The following CHD8 variants were observed in gnomAD, a reference collection of about 807,000 sequenced individuals.
CHD8 encodes the protein chromodomain helicase DNA binding protein 8.
Under a neutral mutation model 279.2 loss-of-function variants are expected in CHD8, and 31 were observed. That is an observed-to-expected ratio of 0.11 (90% CI 0.08 to 0.15). The LOEUF is 0.15. CHD8 is among the 10% of genes least tolerant of loss of function. The pLI is 1.00. For missense variants in CHD8, 2,146 were observed against 3,230.5 expected (o/e 0.66, Z 8.14); for synonymous variants, 1,081 against 1,139.6 (o/e 0.95, Z 1.04).
rs755108465 is a variant in CHD8 at position 21,390,999 on chromosome 14, T to C, written c.7130A>G (p.Asn2377Ser). 1 of 1,606,726 alleles carries C rather than the reference T, an allele frequency of 6.2e-7. No individual in the cohort carries two copies. The highest frequency in any genetic ancestry group is 8.5e-7 in the Non-Finnish European group (1 of 1,176,334). Residue 2377 changes from asparagine (N) to serine (S), a missense_variant, in exon 37 of 38, where the codon AAC becomes AGC. By Grantham distance (46) the Asn-to-Ser change is conservative. Around this residue, in one of 26 missense-constraint regions of CHD8, gnomAD observed 336 missense variants for 392.9 expected, o/e 0.86. Transcript: ENST00000646647. ...RCKKNNKAELNCLGMEPVQTA... is the reference protein window; with the variant it reads ...RCKKNNKAELSCLGMEPVQTA... Reference sequence around the variant, plus strand: ...CTGTACTGGTTCCATTCCCAAACAGTTCAATTCTGCCTTATTATTTTTTTT... The same window carrying C: ...CTGTACTGGTTCCATTCCCAAACAGCTCAATTCTGCCTTATTATTTTTTTT...
rs753886912 is a variant in CHD8 at position 21,429,149 on chromosome 14, C to G, written c.1030G>C (p.Val344Leu). 3.7e-6 allele frequency: 6 copies of G among 1,613,794 alleles called. No individual in the cohort carries two copies. The African/African-American group carries it at 6.7e-5, about 18-fold the overall frequency. ...TGGATTTTTTGCTGTGGCTGCTGCA[C>G]CTGCAGCTGGATAGTTACTACCTTG... The part of the protein sequence containing the change: ...PAKVVTIQLQ[V>L]QQPQQKIQIV... The change falls in exon 3 of 38, where the codon GTG becomes CTG. Residue 344 changes from valine (V) to leucine (L), a missense_variant. Transcript: ENST00000646647.
At position 21,405,712 on chromosome 14, in the gene CHD8, A is replaced by AT. The variant is rs1315312485; in HGVS notation, c.3051+8dup. 4.3e-6 allele frequency: 7 copies of AT among 1,613,268 alleles called. No individual in the cohort carries two copies. Among genetic ancestry groups the AT allele is most frequent in the Non-Finnish European group, 5.1e-6 (6 of 1,179,556 alleles). ...CCTGAGTTAGTACCTCATCAGATAGATTTCCTACCTGTTCCTCTGTCTTGA... is the reference window on the plus strand; with the variant it reads ...CCTGAGTTAGTACCTCATCAGATAGATTTTCCTACCTGTTCCTCTGTCTTGA... On this transcript the variant is annotated intron_variant, in intron 15 of 37. Transcript: ENST00000646647. The surrounding 1 kb of genome is among the most constrained non-coding windows in gnomAD (Gnocchi z 4.2).
At chr14:21,397,131 T>C in intron 27 of CHD8, 1 of 227,816 alleles carries the variant, frequency 4.4e-6, no homozygotes, top group South Asian at 5.4e-5. Context: ...TATTACTGTG[T>C]TCTTCTGAGC....
Position 21,430,942 on chromosome 14 carries a change from A to T in CHD8, c.702T>A (p.Ala234=). ...GGCTGGGCTGGACAATGCGCTGAAC[A>T]GCAGCCTGGTTCCCAGGGACCTTGG... ...LAAKVPGNQA[A]VQRIVQPSRP... is the part of the protein sequence containing the mutation. Residue 234 remains alanine, a synonymous_variant, in exon 2 of 38, where the codon GCT becomes GCA. Coordinates refer to ENST00000646647, the MANE Select transcript of CHD8 (RefSeq NM_001170629.2). 1.3e-6 allele frequency: 2 copies of T among 1,599,588 alleles called. No homozygotes were observed. Among genetic ancestry groups the T allele is most frequent in the Non-Finnish European group, 1.7e-6 (2 of 1,179,806 alleles).
chr14:21,398,832 G>A (rs915111167), intron 26 of CHD8: 6 of 216,710 alleles, frequency 2.8e-5, no homozygotes, highest in African/African-American at 4.7e-5. Context: ...CTATATCAGA[G>A]AGACTGCTGA....
intron 21 of CHD8, 24 bp downstream of exon 21, chr14:21,401,379 T>A: frequency 7.1e-7 from 1 of 1,404,622 alleles, no homozygotes; most frequent in African/African-American, 1.4e-5. Flanking sequence ...CTGCGATACT[T>A]CCTCCCTAAA....
chr14:21,414,547 G>T lies in CHD8; in HGVS notation c.2025-129C>A, dbSNP rs888152491. On this transcript the variant is annotated intron_variant, in intron 8 of 37. Coordinates refer to ENST00000646647, the MANE Select transcript of CHD8 (RefSeq NM_001170629.2). ...CTTAAATTGGGAGACAGTCTCTTAGGTCAGTGCTTCTGAAACTCTAATTTG... is the reference window on the plus strand; with the variant it reads ...CTTAAATTGGGAGACAGTCTCTTAGTTCAGTGCTTCTGAAACTCTAATTTG... 4 of 620,160 alleles carry T rather than the reference G, an allele frequency of 6.4e-6. No individual in the cohort carries two copies. In the African/African-American group the frequency reaches 7.4e-5, roughly 11 times the overall value. 38.4% of individuals were successfully genotyped at this position (620,160 alleles called of 1,614,324 possible).
At chr14:21,442,361 G>C (rs1317909038) in intron 1 of CHD8, among the ~76,000 whole-genome samples, 4 of 151,918 alleles carry the variant, frequency 2.6e-5, no homozygotes, top group Non-Finnish European at 5.9e-5. Flanking sequence ...GCTGCTTTCA[G>C]GGCTGAGGCA....
At chr14:21,421,586 A>G (rs1045250903) in intron 5 of CHD8, among the ~76,000 whole-genome samples, 1 of 152,114 alleles carries the variant, frequency 6.6e-6, no homozygotes, top group African/African-American at 2.4e-5. Flanking sequence ...TAACATTCTA[A>G]ATTTTTCTAT....
intron 1 of CHD8, among the ~76,000 whole-genome samples, chr14:21,450,318 G>T (rs1169693181): frequency 1.3e-5 from 2 of 152,028 alleles, no homozygotes; most frequent in Non-Finnish European, 2.9e-5. Context: ...TAACCAAAAA[G>T]AAATTCCCAT....
chr14:21,412,089 GA>G (rs747487693), intron 10 of CHD8, among the ~76,000 whole-genome samples: 4 of 151,758 alleles, frequency 2.6e-5, no homozygotes, highest in Non-Finnish European at 4.4e-5. Context: ...AAAAGAAAAA[GA>G]AAAAAGAGAA....
At chr14:21,426,310 T>G (rs1889315030) in intron 4 of CHD8, 68 bp from the exon 5 acceptor site, 1 of 789,738 alleles carries the variant, frequency 1.3e-6, no homozygotes, top group South Asian at 1.6e-5. Flanking sequence ...AAAACATAAT[T>G]AATCTAAACC....
rs1888573157 is a variant in CHD8 at position 21,413,143 on chromosome 14, C to G, written c.2143-147G>C. The stretch of plus-strand genomic sequence containing the variant: ...CGATGGGTGTTCTCCTTTTTCATAA[C>G]AGCAAATCCTATGAATTTACCAGGG... On this transcript the variant is annotated intron_variant, in intron 9 of 37. Transcript: ENST00000646647. 7 of 637,406 alleles carry G rather than the reference C, an allele frequency of 1.1e-5. No homozygotes were observed. In the South Asian group the frequency reaches 1.3e-4, roughly 12 times the overall value. 39.5% of individuals were successfully genotyped at this position (637,406 alleles called of 1,614,324 possible). A position where few individuals can be genotyped will look rare whatever the true frequency, so the allele number is the denominator to read the frequency against.
At chr14:21,442,842 G>A (rs1329495783) in intron 1 of CHD8, among the ~76,000 whole-genome samples, 1 of 142,342 alleles carries the variant, frequency 7.0e-6, no homozygotes, top group Non-Finnish European at 1.5e-5. Context: ...AGGGGAGAAA[G>A]GAAAGAAAGG....
At chr14:21,430,720 G>T in intron 2 of CHD8, 81 bp downstream of exon 2, 1 of 822,246 alleles carries the variant, frequency 1.2e-6, no homozygotes, top group Non-Finnish European at 1.9e-6. Context: ...CCCAGAGAAA[G>T]CTCTCATGTG....
chr14:21,403,700 T>C lies in CHD8; in HGVS notation c.3308-37A>G. The stretch of plus-strand genomic sequence containing the variant: ...AAAATCAAATTATGTTGAGATCCAG[T>C]GAACCATATTAAGGTTGTAGTCTAT... On this transcript the variant is annotated intron_variant, in intron 16 of 37. Transcript: ENST00000646647. This position sits in a 1 kb window ranked among gnomAD's most constrained non-coding sequence, Gnocchi z 4.3. The C allele has an allele frequency of 6.7e-7, 1 of 1,497,058 alleles. No homozygotes were observed. Among genetic ancestry groups the C allele is most frequent in the Non-Finnish European group, 9.1e-7 (1 of 1,096,154 alleles). The allele number at this position is 1,497,058 out of a possible 1,614,324, so 92.7% of individuals were successfully genotyped here.
chr14:21,405,197 G>A lies in CHD8; in HGVS notation c.3307+12C>T, dbSNP rs773956112. The A allele has an allele frequency of 9.3e-6, 15 of 1,612,708 alleles. No homozygotes were observed. In the South Asian group the frequency reaches 1.6e-4, roughly 18 times the overall value. On this transcript the variant is annotated intron_variant, in intron 16 of 37. Coordinates refer to ENST00000646647, the MANE Select transcript of CHD8 (RefSeq NM_001170629.2). The surrounding 1 kb of genome is among the most constrained non-coding windows in gnomAD (Gnocchi z 4.2). ...CTACAGAAGTTCAGGTATATACCAA[G>A]CATTCCCTCACCATTGATGAGATAT... is the stretch of plus-strand genomic sequence containing the variant.
Position 21,408,267 on chromosome 14 carries a change from G to C in CHD8, c.2730+45C>G, listed in dbSNP as rs780644771. On this transcript the variant is annotated intron_variant, in intron 13 of 37. Transcript: ENST00000646647. The surrounding 1 kb of genome is among the most constrained non-coding windows in gnomAD (Gnocchi z 4.3). Reference sequence around the variant, plus strand: ...AGCCCTTAAAATACCAGGTACCTTGGCCGACTTTCTCTAACTCATAGTATT... The same window carrying C: ...AGCCCTTAAAATACCAGGTACCTTGCCCGACTTTCTCTAACTCATAGTATT... 6 of 1,589,616 alleles carry C rather than the reference G, an allele frequency of 3.8e-6. No homozygotes were observed. Among genetic ancestry groups the C allele is most frequent in the Non-Finnish European group, 8.6e-7 (1 of 1,167,972 alleles).
At chr14:21,421,134 G>A (rs1447740759) in intron 5 of CHD8, among the ~76,000 whole-genome samples, 2 of 151,904 alleles carry the variant, frequency 1.3e-5, no homozygotes, top group Non-Finnish European at 2.9e-5. Flanking sequence ...AGGGCCAAAG[G>A]ACAAAAAATT....
Sources: gnomAD v4.1 joint callset for allele counts (sites outside exome capture counted in the v4.1 genomes callset) on GRCh38, gnomAD v4.1.1 for gene constraint, gnomAD v4.1.1 regional missense constraint, Gnocchi (gnomAD v3.1) non-coding constraint, MANE v1.5 for transcripts, NCBI Gene and HGNC (gene_info 2026-07-23, HGNC 2026-07-21) for gene names.